WFDC9: variants seen among roughly 807,000 people sequenced by gnomAD.
WFDC9 encodes the protein WAP four-disulfide core domain 9.
Under a neutral mutation model 9.5 loss-of-function variants are expected in WFDC9, and 9 were observed. The ratio of observed to expected loss-of-function variants is 0.95; its 90% CI spans 0.57 to 1.65. WFDC9 has a LOEUF of 1.65. Among genes scored for constraint, WFDC9 ranks in the 40% most tolerant of loss-of-function variants. WFDC9 has a pLI of 0.00. For missense variants in WFDC9, 87 were observed against 106.7 expected (o/e 0.82, Z 0.81); for synonymous variants, 33 against 32.3 (o/e 1.02, Z -0.07).
intron 2 of WFDC9, among the ~76,000 whole-genome samples, chr20:45,612,098 T>C (rs1229121936): frequency 1.3e-5 from 2 of 152,208 alleles, no homozygotes; most frequent in African/African-American, 2.4e-5. Context: ...TTAAATAATA[T>C]GTATGAAACA....
chr20:45,623,627 CA>C (rs34393070), intron 1 of WFDC9, among the ~76,000 whole-genome samples: 66 of 136,914 alleles, frequency 4.8e-4, no homozygotes, highest in African/African-American at 4.8e-4. Context: ...AACTCCATCT[CA>C]AAAAAAAAAA....
chr20:45,628,147 C>A (rs1982264762), intron 1 of WFDC9, among the ~76,000 whole-genome samples: 1 of 152,214 alleles, frequency 6.6e-6, no homozygotes, highest in African/African-American at 2.4e-5. Flanking sequence ...ACTGCTTTAA[C>A]AGAAAGCCTC....
chr20:45,615,585 A>T (rs1402171446), intron 1 of WFDC9, among the ~76,000 whole-genome samples: 1 of 152,190 alleles, frequency 6.6e-6, no homozygotes, highest in South Asian at 2.1e-4. Flanking sequence ...CCCAGTGCAT[A>T]TGAAAAGTAT....
In WFDC9 at chr20:45,621,488, C is replaced by G. The variant is rs1408752361; in HGVS notation, c.-152-6767G>C. On this transcript the variant is annotated intron_variant, in intron 1 of 4. Coordinates refer to ENST00000326000, the MANE Select transcript of WFDC9 (RefSeq NM_147198.4). ...TACAAGGTTGGCTCTTGGTTGGCAT[C>G]CATAAGCCTGAATTTTGAGAAAGTT... is the stretch of plus-strand genomic sequence containing the variant. 2.6e-5 allele frequency among the ~76,000 whole-genome samples: 4 copies of G among 152,320 alleles called. No homozygotes were observed. The South Asian group carries it at 8.3e-4, about 32-fold the overall frequency.
chr20:45,626,815 T>C (rs372046164), intron 1 of WFDC9, among the ~76,000 whole-genome samples: 15 of 152,222 alleles, frequency 9.9e-5, no homozygotes, highest in African/African-American at 3.1e-4. Context: ...CAGTACTACG[T>C]TGAATAAGAG....
chr20:45,616,306 A>G (rs921662856), intron 1 of WFDC9, among the ~76,000 whole-genome samples: 1 of 152,178 alleles, frequency 6.6e-6, no homozygotes, highest in Non-Finnish European at 1.5e-5. Flanking sequence ...TTGCTCATCT[A>G]TAAGAAGCAA....
intron 1 of WFDC9, among the ~76,000 whole-genome samples, chr20:45,625,973 C>T (rs1395919684): frequency 6.6e-6 from 1 of 151,770 alleles, no homozygotes; most frequent in African/African-American, 2.4e-5. Context: ...AGGTATGCAC[C>T]ACCATGTTCG....
chr20:45,616,275 C>G (rs566776292), intron 1 of WFDC9, among the ~76,000 whole-genome samples: 1 of 152,284 alleles, frequency 6.6e-6, no homozygotes, highest in African/African-American at 2.4e-5. Context: ...GAGCAGATTC[C>G]ATTCAAAGAA....
intron 1 of WFDC9, among the ~76,000 whole-genome samples, chr20:45,618,656 A>G (rs1253822674): frequency 6.6e-6 from 1 of 152,204 alleles, no homozygotes; most frequent in Non-Finnish European, 1.5e-5. Context: ...GTCAGAGCAC[A>G]CACACATTTA....
chr20:45,619,760 C>T (rs1600920788), intron 1 of WFDC9, among the ~76,000 whole-genome samples: 1 of 152,176 alleles, frequency 6.6e-6, no homozygotes, highest in Admixed American at 6.5e-5. Flanking sequence ...CGTGGTGGCT[C>T]ATGCCTGTAA....
chr20:45,630,933 A>G (rs754099509), intron 1 of WFDC9: 6 of 1,612,488 alleles, frequency 3.7e-6, no homozygotes, highest in Non-Finnish European at 1.7e-6. Flanking sequence ...CTATGCAAAC[A>G]CTTATGTGAA....
intron 1 of WFDC9, among the ~76,000 whole-genome samples, chr20:45,628,363 A>G (rs1227421153): frequency 6.6e-6 from 1 of 152,176 alleles, no homozygotes; most frequent in Non-Finnish European, 1.5e-5. Context: ...AGAGTGTGAA[A>G]GAGACTTGCC....
chr20:45,624,658 GA>G (rs2145601600), intron 1 of WFDC9, among the ~76,000 whole-genome samples: 1 of 152,286 alleles, frequency 6.6e-6, no homozygotes, highest in African/African-American at 2.4e-5. Context: ...TCTCCATAGT[GA>G]CTGTACTAAT....
At chr20:45,631,135 C>T (rs373388942) in intron 1 of WFDC9, 68 bp downstream of exon 1, 20 of 1,220,412 alleles carry the variant, frequency 1.6e-5, no homozygotes, top group Admixed American at 5.9e-5. Context: ...ACAGGAATGC[C>T]GCCCTCTCTA....
intron 1 of WFDC9, among the ~76,000 whole-genome samples, chr20:45,629,179 C>T (rs1313352222): frequency 6.6e-6 from 1 of 151,896 alleles, no homozygotes; most frequent in Non-Finnish European, 1.5e-5. Context: ...GCTACTTACT[C>T]TTTCACTCAG....
intron 1 of WFDC9, among the ~76,000 whole-genome samples, chr20:45,617,372 T>C (rs909277117): frequency 1.3e-5 from 2 of 152,254 alleles, no homozygotes; most frequent in Non-Finnish European, 2.9e-5. Flanking sequence ...GGAGAATCAC[T>C]TGGACCCAGG....
At chr20:45,622,663 T>C (rs960366610) in intron 1 of WFDC9, among the ~76,000 whole-genome samples, 1 of 152,196 alleles carries the variant, frequency 6.6e-6, no homozygotes, top group Non-Finnish European at 1.5e-5. Context: ...ACATTTTCTC[T>C]AAAGAAAGAC....
intron 1 of WFDC9, among the ~76,000 whole-genome samples, chr20:45,627,928 A>G (rs1473388655): frequency 1.3e-5 from 2 of 152,118 alleles, no homozygotes; most frequent in Non-Finnish European, 2.9e-5. Flanking sequence ...TGTGCTTGAG[A>G]AAAATGTGTT....
At position 45,610,336 on chromosome 20, in the gene WFDC9, G is replaced by A. The variant is rs1981833026; in HGVS notation, c.-58-97C>T. ...TTATTCTTTCCCTTTCTAGTACCCAGTAGCATACCAACCAACTCCCAGGCT... is the reference window on the plus strand; with the variant it reads ...TTATTCTTTCCCTTTCTAGTACCCAATAGCATACCAACCAACTCCCAGGCT... On this transcript the variant is annotated intron_variant, in intron 2 of 4. Coordinates refer to ENST00000326000, the MANE Select transcript of WFDC9 (RefSeq NM_147198.4). 4 of 572,754 alleles carry A rather than the reference G, an allele frequency of 7.0e-6. No homozygotes were observed. The Admixed American group carries it at 1.4e-4, about 19-fold the overall frequency. 35.5% of individuals were successfully genotyped at this position (572,754 alleles called of 1,614,324 possible).
Sources: allele counts gnomAD v4.1 joint callset (sites outside exome capture counted in the v4.1 genomes callset), GRCh38; gene constraint gnomAD v4.1.1; transcripts MANE v1.5; gene names NCBI Gene and HGNC (gene_info 2026-07-23, HGNC 2026-07-21).